Variants in MYH11 observed in about 807,000 individuals in gnomAD.
MYH11 encodes myosin-11.
Under a neutral mutation model 246.6 loss-of-function variants are expected in MYH11, and 80 were observed. That is an observed-to-expected ratio of 0.32 (90% CI 0.27 to 0.39). The LOEUF is 0.39. Ranked by LOEUF, MYH11 falls within the 10% of genes least tolerant of loss-of-function variation. The probability of loss-of-function intolerance (pLI) is 1.00; values close to 1 mark genes in which losing one functional copy is unlikely to be tolerated. For missense variants in MYH11, 2,158 were observed against 2,546.8 expected, an observed-to-expected ratio of 0.85 and a Z score of 3.29; for synonymous variants, 1,071 against 1,015.5, an observed-to-expected ratio of 1.05 and a Z score of -1.04.
chr16:15,828,653 C>G (rs2043636852), intron 2 of MYH11, among the ~76,000 whole-genome samples: 1 of 150,274 alleles, frequency 6.7e-6, no homozygotes, highest in African/African-American at 2.5e-5. Flanking sequence ...ATTAGCCAGG[C>G]ATGATGGCAG....
intron 37 of MYH11, chr16:15,717,634 A>G (rs182439727): frequency 1.9e-6 from 1 of 531,050 alleles, no homozygotes; most frequent in East Asian, 3.3e-5. Flanking sequence ...GTCTCTATTA[A>G]AAATACAAAA....
chr16:15,737,795 A>G (rs2041164667), intron 24 of MYH11, among the ~76,000 whole-genome samples, 175 bp from the exon 25 acceptor site: 1 of 152,056 alleles, frequency 6.6e-6, no homozygotes, highest in African/African-American at 2.4e-5. Flanking sequence ...TATTGTCATA[A>G]TATTATTATT....
At chr16:15,758,847 C>A (rs1182268069) in intron 12 of MYH11, among the ~76,000 whole-genome samples, 2 of 151,570 alleles carry the variant, frequency 1.3e-5, no homozygotes, top group African/African-American at 4.8e-5. Flanking sequence ...TCCTGTAGTC[C>A]CAGCTACTCA....
intron 40 of MYH11, among the ~76,000 whole-genome samples, chr16:15,706,639 G>A (rs1184604138): frequency 6.6e-6 from 1 of 151,862 alleles, no homozygotes; most frequent in Non-Finnish European, 1.5e-5. Flanking sequence ...CCCAGGAGGT[G>A]AAGGCTGCAG....
At chr16:15,776,214 G>A (rs763590143) in intron 7 of MYH11, 38 bp from the exon 8 acceptor site, 20 of 1,412,142 alleles carry the variant, frequency 1.4e-5, no homozygotes, top group Admixed American at 6.7e-5. Context: ...GGGATACTGC[G>A]GGTGTTCCTC....
In MYH11 at chr16:15,741,515, T is replaced by A. The variant is rs1341541765; in HGVS notation, c.2807A>T (p.Asp936Val). 9 of 1,609,600 alleles carry A rather than the reference T, an allele frequency of 5.6e-6. No homozygotes were observed. In the African/African-American group the frequency reaches 1.1e-4, roughly 19 times the overall value. ...TTCAGCCTGTAGCTGCTGGCCCCTG[T>A]CTTCCTCCTCCTCCAGGCGGGCCTC... ...EMEARLEEEE[D>V]RGQQLQAERK... The change falls in exon 22 of 41, where the codon GAC (aspartate) becomes GTC (valine). Residue 936 changes from aspartate to valine, a missense_variant. Transcript: ENST00000300036.
At chr16:15,712,881 A>ATTTTTTTTTTTTTTTTTTTTTTTTTTTT (rs1567680172) in intron 40 of MYH11, 2 of 65,916 alleles carry the variant, frequency 3.0e-5, no homozygotes, top group Non-Finnish European at 2.8e-5. Context: ...CTTCACATAC[A>ATTTTTTTTTTTTTTTTTTTTTTTTTTTT]GTTTTTTTTT....
chr16:15,812,976 G>A (rs2043174969), intron 3 of MYH11, among the ~76,000 whole-genome samples: 1 of 152,234 alleles, frequency 6.6e-6, no homozygotes, highest in Middle Eastern at 3.2e-3. Flanking sequence ...AGACCAGTCT[G>A]GTCAACACGG....
At chr16:15,850,268 C>A (rs1287995096) in intron 1 of MYH11, among the ~76,000 whole-genome samples, 1 of 151,922 alleles carries the variant, frequency 6.6e-6, no homozygotes, top group African/African-American at 2.4e-5. Context: ...GCCTGTAATA[C>A]CAGCTACTCA....
At chr16:15,706,387 TCA>T (rs1009557092) in intron 40 of MYH11, among the ~76,000 whole-genome samples, 17 of 152,150 alleles carry the variant, frequency 1.1e-4, no homozygotes, top group South Asian at 6.2e-4. Flanking sequence ...GCTCTCTTCG[TCA>T]CAGTTTTAAC....
At chr16:15,836,049 T>TAATATG (rs2043883076) in intron 2 of MYH11, among the ~76,000 whole-genome samples, 1 of 151,988 alleles carries the variant, frequency 6.6e-6, no homozygotes, top group Admixed American at 6.6e-5. Context: ...TATGCCCGGC[T>TAATATG]CCCAAGAGGC....
rs1018482209 is a variant in MYH11, at chr16:15,732,558, C to T, written c.3651+6G>A. On this transcript the variant is annotated splice_donor_region_variant and intron_variant, in intron 27 of 40. Coordinates refer to ENST00000300036, the MANE Select transcript of MYH11 (RefSeq NM_002474.3). Reference sequence around the variant, plus strand: ...ATCACCAAAAAGCATCACCAAAAAGCATTACCCTCTTGAACTGCTCAAGCT... The same window carrying T: ...ATCACCAAAAAGCATCACCAAAAAGTATTACCCTCTTGAACTGCTCAAGCT... 1.2e-6 allele frequency: 2 copies of T among 1,614,130 alleles called. No homozygotes were observed. The highest frequency in any genetic ancestry group is 2.7e-5 in the African/African-American group (2 of 74,936).
At chr16:15,704,175 G>C (rs764224357) in intron 40 of MYH11, 52 bp from the exon 41 acceptor site, 29 of 1,606,148 alleles carry the variant, frequency 1.8e-5, no homozygotes, top group Admixed American at 3.4e-5. Context: ...TCATGGTTGG[G>C]ATAGATTTTT....
At chr16:15,833,003 C>G (rs1386736774) in intron 2 of MYH11, among the ~76,000 whole-genome samples, 2 of 115,526 alleles carry the variant, frequency 1.7e-5, no homozygotes, top group African/African-American at 6.8e-5. Context: ...CACTCTGTCA[C>G]CCAGGCTGGA....
intron 3 of MYH11, among the ~76,000 whole-genome samples, chr16:15,815,743 C>G (rs2043247782): frequency 6.6e-6 from 1 of 151,968 alleles, no homozygotes; most frequent in Non-Finnish European, 1.5e-5. Context: ...AATAGGGGTA[C>G]AAAGACAGTC....
At chr16:15,839,860 G>A (rs2044007926) in intron 1 of MYH11, among the ~76,000 whole-genome samples, 1 of 152,070 alleles carries the variant, frequency 6.6e-6, no homozygotes, top group Admixed American at 6.6e-5. Context: ...AAACCAGCCT[G>A]CCCAATGTGG....
In MYH11 at chr16:15,703,330, G is replaced by A. The variant is rs1304479614; in HGVS notation, c.*661C>T. 5 of 231,168 alleles carry A rather than the reference G, an allele frequency of 2.2e-5. No homozygotes were observed. Among genetic ancestry groups the A allele is most frequent in the African/African-American group, 6.7e-5 (3 of 44,856 alleles). 14.3% of individuals were successfully genotyped at this position (231,168 alleles called of 1,614,324 possible). A position where few individuals can be genotyped will look rare whatever the true frequency, so the allele number is the denominator to read the frequency against. ...GGGAAAGAATTCTCAAAGGCCTGAC[G>A]TGAGAAGTTGGAAAGGTTTGCAGGT... On this transcript the variant is annotated 3_prime_UTR_variant, in exon 41 of 41. Transcript: ENST00000300036.
rs781275376 is a variant in MYH11, at chr16:15,823,409, C to A, written c.348G>T (p.Thr116=). ...RERYFSGLIY[T]YSGLFCVVVN... is the part of the protein sequence containing the mutation. ...CCACCACGCAGAAGAGGCCAGAGTA[C>A]GTCTGCAGACAGAGAACCCAGCTTA... The change falls in exon 3 of 41, where the codon ACG becomes ACT. Residue 116 remains threonine, a splice_region_variant and synonymous_variant. Coordinates refer to ENST00000300036, the MANE Select transcript of MYH11 (RefSeq NM_002474.3). 8 of 1,613,994 alleles carry A rather than the reference C, an allele frequency of 5.0e-6. No individual in the cohort carries two copies. In the African/African-American group the frequency reaches 9.3e-5, roughly 19 times the overall value.
intron 14 of MYH11, among the ~76,000 whole-genome samples, chr16:15,754,489 T>G (rs1442232017): frequency 6.6e-6 from 1 of 152,052 alleles, no homozygotes; most frequent in Non-Finnish European, 1.5e-5. Flanking sequence ...GAGAGAAGAC[T>G]GAAAATAATA....
Sources: gnomAD v4.1 joint callset for allele counts (sites outside exome capture counted in the v4.1 genomes callset) on GRCh38, gnomAD v4.1.1 for gene constraint, MANE v1.5 for transcripts, NCBI Gene and HGNC (gene_info 2026-07-23, HGNC 2026-07-21) for gene names.